LRRC8B: variants seen among roughly 807,000 people sequenced by gnomAD.
LRRC8B encodes the protein volume-regulated anion channel subunit LRRC8B.
In LRRC8B, 23 loss-of-function variants were observed where a neutral mutation model predicts 58.8. The ratio of observed to expected loss-of-function variants is 0.39; its 90% confidence interval spans 0.28 to 0.55. The LOEUF is 0.55. Among genes scored for constraint, LRRC8B ranks in the 20% least tolerant of loss-of-function variants. LRRC8B has a pLI of 0.62. For synonymous variants in LRRC8B, 359 were observed against 374.1 expected (o/e 0.96, Z 0.47); for missense variants, 694 against 936.0 (o/e 0.74, Z 3.37).
In LRRC8B at chr1:89,530,424, A is replaced by G. The variant is rs892485418; in HGVS notation, c.-241+5402A>G. 3.9e-5 allele frequency among the ~76,000 whole-genome samples: 6 copies of G among 151,982 alleles called. No homozygotes were observed. In the South Asian group the frequency reaches 1.2e-3, roughly 31 times the overall value. On this transcript the variant is annotated intron_variant, in intron 1 of 5. Transcript: ENST00000330947. ...GAGTATATAATAATATAACTTCTCA[A>G]TATGACACTCAGGAATAATCTAATT...
At chr1:89,573,750 C>T (rs2101023617) in intron 3 of LRRC8B, among the ~76,000 whole-genome samples, 1 of 152,298 alleles carries the variant, frequency 6.6e-6, no homozygotes, top group African/African-American at 2.4e-5. Context: ...ATAGAGGGGA[C>T]AGCAATTCTG....
Position 89,595,335 on chromosome 1 carries a change from A to G in LRRC8B, c.*2292A>G, listed in dbSNP as rs1328027345. 1 of 152,194 alleles carries G rather than the reference A, an allele frequency of 6.6e-6. No individual in the cohort carries two copies. The highest frequency in any genetic ancestry group is 1.5e-5 in the Non-Finnish European group (1 of 67,978). 9.4% of individuals were successfully genotyped at this position (152,194 alleles called of 1,614,324 possible). A position where few individuals can be genotyped will look rare whatever the true frequency, so the allele number is the denominator to read the frequency against. On this transcript the variant is annotated 3_prime_UTR_variant, in exon 6 of 6. Coordinates refer to ENST00000330947, the MANE Select transcript of LRRC8B (RefSeq NM_001369817.2). ...GTGTTTCACAATAGAATTATCATGT[A>G]TACTGATTCCAGTGTGGCATGTGAT...
intron 1 of LRRC8B, among the ~76,000 whole-genome samples, chr1:89,529,549 A>G (rs1477830271): frequency 6.6e-6 from 1 of 152,146 alleles, no homozygotes; most frequent in Non-Finnish European, 1.5e-5. Flanking sequence ...GAAAGAAAAA[A>G]AGTATATAAA....
intron 5 of LRRC8B, among the ~76,000 whole-genome samples, chr1:89,589,062 T>G (rs768875086): frequency 2.4e-4 from 36 of 152,258 alleles, no homozygotes; most frequent in Non-Finnish European, 4.3e-4. Flanking sequence ...TTTCATTACT[T>G]AAAAATATAT....
intron 3 of LRRC8B, among the ~76,000 whole-genome samples, chr1:89,578,901 A>C (rs1654037521): frequency 6.6e-6 from 1 of 152,208 alleles, no homozygotes; most frequent in Non-Finnish European, 1.5e-5. Context: ...AATGGCTTTT[A>C]TTAAACTCTA....
At chr1:89,535,614 A>C (rs374057969) in intron 1 of LRRC8B, among the ~76,000 whole-genome samples, 18 of 152,366 alleles carry the variant, frequency 1.2e-4, no homozygotes, top group Admixed American at 6.5e-4. Context: ...AATTACCGTC[A>C]TCCATTTTAA....
chr1:89,544,858 A>G (rs754097758), intron 1 of LRRC8B, among the ~76,000 whole-genome samples: 3 of 152,258 alleles, frequency 2.0e-5, no homozygotes, highest in Non-Finnish European at 4.4e-5. Context: ...GAGAAGTCAA[A>G]GACATTGAGA....
chr1:89,558,197 G>C (rs12119009), intron 1 of LRRC8B, among the ~76,000 whole-genome samples: 60,438 of 151,670 alleles, frequency 0.4, 13,403 homozygotes, highest in South Asian at 0.55. Flanking sequence ...TTGCACTGTT[G>C]TCAAGTGATC....
chr1:89,585,697 T>G (rs1394329974), intron 5 of LRRC8B, among the ~76,000 whole-genome samples: 1 of 152,038 alleles, frequency 6.6e-6, no homozygotes, highest in Non-Finnish European at 1.5e-5. Flanking sequence ...AAGTCCCAGC[T>G]ACTCAGGAGC....
chr1:89,548,836 T>A (rs1427112766), intron 1 of LRRC8B, among the ~76,000 whole-genome samples: 1 of 152,198 alleles, frequency 6.6e-6, no homozygotes, highest in Non-Finnish European at 1.5e-5. Flanking sequence ...TTAATTCCTT[T>A]GTACCAATAC....
chr1:89,565,847 T>C (rs1653005113), intron 1 of LRRC8B, among the ~76,000 whole-genome samples: 1 of 152,196 alleles, frequency 6.6e-6, no homozygotes, highest in Non-Finnish European at 1.5e-5. Context: ...ATTCACTAAA[T>C]ATTTGTTCGC....
chr1:89,583,940 C>T lies in LRRC8B; in HGVS notation c.1290C>T (p.Asn430=), dbSNP rs142645843. 2.5e-5 allele frequency: 41 copies of T among 1,614,054 alleles called. No homozygotes were observed. Among genetic ancestry groups the T allele is most frequent in the Admixed American group, 6.7e-5 (4 of 60,010 alleles). The change falls in exon 5 of 6, where the codon AAC becomes AAT. Residue 430 remains asparagine (N), a synonymous_variant. Coordinates refer to ENST00000330947, the MANE Select transcript of LRRC8B (RefSeq NM_001369817.2). This position sits in a 1 kb window ranked among gnomAD's most constrained non-coding sequence, Gnocchi z 5.2. ...DKIELHLFML[N]GLPDNVFELT... ...TAGAACTGCATCTTTTTATGCTCAACGGTCTTCCAGACAATGTCTTTGAGT... is the reference window on the plus strand; with the variant it reads ...TAGAACTGCATCTTTTTATGCTCAATGGTCTTCCAGACAATGTCTTTGAGT...
intron 4 of LRRC8B, among the ~76,000 whole-genome samples, chr1:89,579,982 A>G (rs1321112361): frequency 9.2e-5 from 14 of 152,314 alleles, no homozygotes; most frequent in African/African-American, 3.1e-4. Flanking sequence ...TTATTTATCA[A>G]GATTCTGCTC....
Position 89,584,287 on chromosome 1 carries a change from A to C in LRRC8B, c.1637A>C (p.Lys546Thr). The change falls in exon 5 of 6, where the codon AAG becomes ACG. Residue 546 changes from lysine (K) to threonine (T), a missense_variant. This residue lies in a region of LRRC8B where 162 missense variants were observed against 198.5 expected (regional missense o/e 0.82). Transcript: ENST00000330947. Reference sequence around the variant, plus strand: ...AAAAATCTAAGGACCCTGTACTTGAAGAGCAGCCTCTCCCGGATCCCACAA... The same window carrying C: ...AAAAATCTAAGGACCCTGTACTTGACGAGCAGCCTCTCCCGGATCCCACAA... ...DLKNLRTLYL[K>T]SSLSRIPQVV... is the part of the protein sequence containing the mutation. 1 of 1,614,060 alleles carries C rather than the reference A, an allele frequency of 6.2e-7. No individual in the cohort carries two copies. Among genetic ancestry groups the C allele is most frequent in the Non-Finnish European group, 8.5e-7 (1 of 1,180,034 alleles).
chr1:89,581,009 T>C (rs975208055), intron 4 of LRRC8B, among the ~76,000 whole-genome samples: 117 of 152,170 alleles, frequency 7.7e-4, no homozygotes, highest in African/African-American at 2.7e-3. Flanking sequence ...AAAGTCTTCC[T>C]GGCCAGGCAC....
chr1:89,550,996 C>G (rs1651764687), intron 1 of LRRC8B, among the ~76,000 whole-genome samples: 1 of 152,126 alleles, frequency 6.6e-6, no homozygotes, highest in Admixed American at 6.6e-5. Flanking sequence ...AAGCCATACT[C>G]TCATATTCTG....
At chr1:89,584,932 G>A (rs1029500723) in intron 5 of LRRC8B, 143 bp downstream of exon 5, 5 of 587,628 alleles carry the variant, frequency 8.5e-6, no homozygotes, top group South Asian at 3.0e-5. Context: ...AAAACACTGA[G>A]CATCCATTTT....
chr1:89,554,795 G>C (rs1652059904), intron 1 of LRRC8B, among the ~76,000 whole-genome samples: 1 of 152,144 alleles, frequency 6.6e-6, no homozygotes, highest in African/African-American at 2.4e-5. Context: ...GTGCATGGAT[G>C]AGAGAGAAAA....
rs1277023900 is a variant in LRRC8B at position 89,583,238 on chromosome 1, A to G, written c.588A>G (p.Ser196=). Residue 196 remains serine (S), a synonymous_variant, in exon 5 of 6, where the codon TCA becomes TCG. Coordinates refer to ENST00000330947, the MANE Select transcript of LRRC8B (RefSeq NM_001369817.2). The surrounding 1 kb of genome is among the most constrained non-coding windows in gnomAD (Gnocchi z 5.2). ...SKILLSSSGC[S]ADIDSGKQSL... is the part of the protein sequence containing the mutation. ...TTTTGCTTTCGTCCTCAGGGTGTTC[A>G]GCTGACATAGATTCCGGCAAACAGT... is the stretch of plus-strand genomic sequence containing the variant. 1 of 1,614,210 alleles carries G rather than the reference A, an allele frequency of 6.2e-7. No homozygotes were observed. The highest frequency in any genetic ancestry group is 8.5e-7 in the Non-Finnish European group (1 of 1,180,030).
Sources: allele counts gnomAD v4.1 joint callset (sites outside exome capture counted in the v4.1 genomes callset), GRCh38; gene constraint gnomAD v4.1.1; regional missense constraint gnomAD v4.1.1; non-coding constraint Gnocchi (gnomAD v3.1); transcripts MANE v1.5; gene names NCBI Gene and HGNC (gene_info 2026-07-23, HGNC 2026-07-21).